ASIC2: variants seen among roughly 807,000 people sequenced by gnomAD.
ASIC2 encodes the protein acid-sensing ion channel 2.
A neutral mutation model predicts 57.3 loss-of-function variants in ASIC2; 25 were observed. The ratio of observed to expected loss-of-function variants is 0.44; its 90% CI spans 0.32 to 0.61. ASIC2 has a LOEUF of 0.61. Among genes scored for constraint, ASIC2 ranks in the 20% least tolerant of loss-of-function variants. ASIC2 has a pLI of 0.06. For synonymous variants in ASIC2, 319 were observed against 307.5 expected, an observed-to-expected ratio of 1.04 and a Z score of -0.39; for missense variants, 641 against 738.1, an observed-to-expected ratio of 0.87 and a Z score of 1.52.
chr17:33,645,238 CCTGG>C (rs1443391792), intron 1 of ASIC2, among the ~76,000 whole-genome samples: 1 of 152,062 alleles, frequency 6.6e-6, no homozygotes, highest in Admixed American at 6.5e-5. Flanking sequence ...GAGATGAATC[CCTGG>C]GCTCCTAATT....
At chr17:33,267,743 G>A (rs1244803059) in intron 1 of ASIC2, among the ~76,000 whole-genome samples, 2 of 152,202 alleles carry the variant, frequency 1.3e-5, no homozygotes, top group African/African-American at 4.8e-5. Context: ...GGAAGTGATG[G>A]TGCTCCGGGG....
At chr17:34,079,847 G>A (rs143450437) in intron 1 of ASIC2, among the ~76,000 whole-genome samples, 14 of 152,272 alleles carry the variant, frequency 9.2e-5, no homozygotes, top group Admixed American at 2.6e-4. Flanking sequence ...GGGCATCAAC[G>A]ATTTGGGAGA....
chr17:33,637,580 G>T (rs1457362825), intron 1 of ASIC2, among the ~76,000 whole-genome samples: 1 of 152,122 alleles, frequency 6.6e-6, no homozygotes, highest in Non-Finnish European at 1.5e-5. Flanking sequence ...CACTCCAGTG[G>T]CTATAAACAG....
chr17:33,377,801 C>T (rs1363994333), intron 1 of ASIC2, among the ~76,000 whole-genome samples: 1 of 152,214 alleles, frequency 6.6e-6, no homozygotes, highest in African/African-American at 2.4e-5. Flanking sequence ...GCACATATGA[C>T]TCAGCCAGTT....
chr17:33,442,145 T>G (rs1911847565), intron 1 of ASIC2, among the ~76,000 whole-genome samples: 1 of 152,242 alleles, frequency 6.6e-6, no homozygotes, highest in Non-Finnish European at 1.5e-5. Flanking sequence ...TATATGTCTA[T>G]TCTTGTCATT....
At chr17:33,850,175 T>G (rs317400) in intron 1 of ASIC2, among the ~76,000 whole-genome samples, 40,201 of 152,034 alleles carry the variant, frequency 0.26, 5,703 homozygotes, top group East Asian at 0.49. Flanking sequence ...GGGATCAGTT[T>G]TGAGGCCAAG....
rs1001303815 is a variant in ASIC2 at position 33,194,458 on chromosome 17, T to TATGATG, written c.709-82397_709-82392dup. On this transcript the variant is annotated intron_variant, in intron 1 of 9. Transcript: ENST00000225823. ...GATATGAAATTGCTCACTAAGCCGA[T>TATGATG]ATGATGATGATGATGATCATGGAGG... is the stretch of plus-strand genomic sequence containing the variant. 5.9e-5 allele frequency among the ~76,000 whole-genome samples: 9 copies of TATGATG among 152,234 alleles called. No homozygotes were observed. The South Asian group carries it at 1.5e-3, about 25-fold the overall frequency.
chr17:33,946,046 G>C (rs1366382324), intron 1 of ASIC2, among the ~76,000 whole-genome samples: 2 of 152,172 alleles, frequency 1.3e-5, no homozygotes, highest in African/African-American at 4.8e-5. Context: ...CTGGGCAGGT[G>C]GATCATTAAC....
At chr17:34,003,210 T>C (rs1469467343) in intron 1 of ASIC2, 2 of 152,224 alleles carry the variant, frequency 1.3e-5, no homozygotes, top group African/African-American at 4.8e-5. Flanking sequence ...TATCAAATCC[T>C]GGCTCTGTAA....
At chr17:33,144,683 A>C (rs1298980223) in intron 1 of ASIC2, among the ~76,000 whole-genome samples, 1 of 152,144 alleles carries the variant, frequency 6.6e-6, no homozygotes, top group African/African-American at 2.4e-5. Flanking sequence ...GGCCCACAAG[A>C]AGCAGCCTGG....
chr17:34,156,634 G>T lies in ASIC2; in HGVS notation c.-102C>A. The stretch of plus-strand genomic sequence containing the variant: ...CTTAAACCTTGACGTTCAGGGGAGA[G>T]AACGCAAGGCAAGCATCGCGCCAGA... On this transcript the variant is annotated 5_prime_UTR_variant, in exon 1 of 10. Coordinates refer to the ASIC2 transcript ENST00000359872. The surrounding 1 kb of genome is among the most constrained non-coding windows in gnomAD (Gnocchi z 4.4). The T allele has an allele frequency of 1.6e-6, 2 of 1,262,236 alleles. No homozygotes were observed. Among genetic ancestry groups the T allele is most frequent in the Non-Finnish European group, 1.1e-6 (1 of 926,770 alleles). The allele number at this position is 1,262,236 out of a possible 1,614,324, so 78.2% of individuals were successfully genotyped here.
rs189815802 is a variant in ASIC2 at position 33,461,925 on chromosome 17, T to C, written c.556-349858A>G. On this transcript the variant is annotated intron_variant, in intron 1 of 9. Transcript: ENST00000359872. ...ATCTATTGATCCATCCGCCTAGCCA[T>C]TCATCTAACAAAACTTTATTGAGTA... Among the ~76,000 whole-genome samples, 1,032 of 152,350 alleles carry C rather than the reference T, an allele frequency of 6.8e-3. 7 individuals are homozygous for C. The highest frequency in any genetic ancestry group is 0.011 in the Non-Finnish European group (742 of 68,032).
In ASIC2 at chr17:34,049,041, T is replaced by C. The variant is rs190132578; in HGVS notation, c.555+106937A>G. Among the ~76,000 whole-genome samples the C allele has an allele frequency of 7.9e-4, 121 of 152,312 alleles. 1 individual carries two copies. Among genetic ancestry groups the C allele is most frequent in the Middle Eastern group, 3.4e-3 (1 of 294 alleles). On this transcript the variant is annotated intron_variant, in intron 1 of 9. Transcript: ENST00000359872. ...GCCCAGGAGCAGTAGCTCACATCTG[T>C]AATCCCAGTACTTTGGGAGGATGAG...
chr17:33,661,716 C>T (rs892058542), intron 1 of ASIC2, among the ~76,000 whole-genome samples: 5 of 152,182 alleles, frequency 3.3e-5, no homozygotes, highest in African/African-American at 1.2e-4. Context: ...TTGTTTGCAA[C>T]CTAGTCATGC....
At chr17:33,221,158 A>T (rs966135069) in intron 1 of ASIC2, among the ~76,000 whole-genome samples, 30 of 152,136 alleles carry the variant, frequency 2.0e-4, no homozygotes, top group African/African-American at 7.2e-4. Flanking sequence ...TCATTCTAGA[A>T]GCCAGTTCTA....
At chr17:33,523,711 T>G (rs1048486201) in intron 1 of ASIC2, among the ~76,000 whole-genome samples, 2 of 152,144 alleles carry the variant, frequency 1.3e-5, no homozygotes, top group Non-Finnish European at 1.5e-5. Flanking sequence ...ATAAATAATC[T>G]CGAAGACACC....
At chr17:34,017,546 C>A (rs1907017092) in intron 1 of ASIC2, among the ~76,000 whole-genome samples, 1 of 152,162 alleles carries the variant, frequency 6.6e-6, no homozygotes, top group African/African-American at 2.4e-5. Flanking sequence ...CCAAAAAGGC[C>A]AAAAGCTAGT....
chr17:34,013,089 G>A (rs1253405596), intron 1 of ASIC2, among the ~76,000 whole-genome samples: 2 of 152,204 alleles, frequency 1.3e-5, no homozygotes, highest in African/African-American at 4.8e-5. Flanking sequence ...GATGGAAAGG[G>A]AGAAAATTGG....
At chr17:33,079,519 A>G (rs2092103623) in intron 3 of ASIC2, among the ~76,000 whole-genome samples, 1 of 152,144 alleles carries the variant, frequency 6.6e-6, no homozygotes, top group Non-Finnish European at 1.5e-5. Context: ...AGGTCTGTGA[A>G]GAGATTCTTG....
Sources: gnomAD v4.1 joint callset for allele counts (sites outside exome capture counted in the v4.1 genomes callset) on GRCh38, gnomAD v4.1.1 for gene constraint, Gnocchi (gnomAD v3.1) non-coding constraint, MANE v1.5 for transcripts, NCBI Gene and HGNC (gene_info 2026-07-23, HGNC 2026-07-21) for gene names.